Variants in ADRA1A observed in about 807,000 individuals in gnomAD.
ADRA1A encodes adrenoceptor alpha 1A.
ADRA1A carries 31 observed loss-of-function variants against 29.6 expected under a neutral mutation model. That is an observed-to-expected ratio of 1.05 (90% CI 0.79 to 1.41). The LOEUF is 1.41. ADRA1A is among the 40% of genes most tolerant of loss of function. The pLI is 0.00. For missense variants in ADRA1A, 619 were observed against 601.1 expected (o/e 1.03, Z -0.31); for synonymous variants, 311 against 254.3 (o/e 1.22, Z -2.12).
intron 2 of ADRA1A, among the ~76,000 whole-genome samples, chr8:26,852,864 C>T (rs533281765): frequency 4.6e-4 from 70 of 152,180 alleles, no homozygotes; most frequent in African/African-American, 1.5e-3. Flanking sequence ...AGTGCATTAA[C>T]GTAAAACAAT....
chr8:26,833,347 G>C (rs1811124230), intron 2 of ADRA1A, among the ~76,000 whole-genome samples: 1 of 152,144 alleles, frequency 6.6e-6, no homozygotes, highest in African/African-American at 2.4e-5. Flanking sequence ...ATTTTTGAAT[G>C]GGTTGGGAAT....
chr8:26,773,767 C>T (rs1325995228), intron 2 of ADRA1A, among the ~76,000 whole-genome samples: 3 of 152,126 alleles, frequency 2.0e-5, no homozygotes, highest in African/African-American at 4.8e-5. Flanking sequence ...TCCTTTTAGT[C>T]ACTTCCTTCC....
At chr8:26,786,224 T>G (rs1471903606) in intron 2 of ADRA1A, among the ~76,000 whole-genome samples, 1 of 133,926 alleles carries the variant, frequency 7.5e-6, no homozygotes, top group Non-Finnish European at 1.5e-5. Context: ...GACCTCTTTT[T>G]TATTTTTATT....
exon 3 of ADRA1A, chr8:26,748,320 A>C (rs1804778798): frequency 6.1e-6 from 1 of 164,038 alleles, no homozygotes; most frequent in Non-Finnish European, 1.3e-5. Context: ...GGTGGTTCTG[A>C]GTGGTTGGGG....
intron 2 of ADRA1A, among the ~76,000 whole-genome samples, chr8:26,856,428 A>AT (rs1162851415): frequency 6.6e-6 from 1 of 152,184 alleles, no homozygotes; most frequent in Non-Finnish European, 1.5e-5. Flanking sequence ...TCATCTTTGG[A>AT]TAAAAACACA....
rs554709909 is a variant in ADRA1A at position 26,806,655 on chromosome 8, G to A, written c.884-35989C>T. On this transcript the variant is annotated intron_variant, in intron 2 of 2. Coordinates refer to ENST00000380573, the MANE Select transcript of ADRA1A (RefSeq NM_000680.4). The surrounding 1 kb of genome is among the most constrained non-coding windows in gnomAD (Gnocchi z 4.6). ...AGCTTAGAATGGAACCTCTCTAATCGCCAGAGAGTCCGAGGTTTCTCCCTA... is the reference window on the plus strand; with the variant it reads ...AGCTTAGAATGGAACCTCTCTAATCACCAGAGAGTCCGAGGTTTCTCCCTA... Among the ~76,000 whole-genome samples, 49 of 152,206 alleles carry A rather than the reference G, an allele frequency of 3.2e-4. 1 individual carries two copies. The highest frequency in any genetic ancestry group is 1.1e-3 in the African/African-American group (47 of 41,546).
intron 2 of ADRA1A, among the ~76,000 whole-genome samples, chr8:26,829,842 G>T (rs919244946): frequency 6.6e-6 from 1 of 151,924 alleles, no homozygotes; most frequent in Non-Finnish European, 1.5e-5. Context: ...GCTGCCCCTG[G>T]TAAGTTTTTG....
At chr8:26,767,773 T>C (rs1458879051), downstream of ADRA1A, among the ~76,000 whole-genome samples, 3 of 152,234 alleles carry the variant, frequency 2.0e-5, no homozygotes, top group Non-Finnish European at 4.4e-5. Flanking sequence ...ATAATCATTC[T>C]TCCTGTTGGG....
intron 2 of ADRA1A, among the ~76,000 whole-genome samples, chr8:26,835,131 G>C (rs1237877017): frequency 6.6e-6 from 1 of 152,140 alleles, no homozygotes; most frequent in Non-Finnish European, 1.5e-5. Context: ...TTGGTGGCCT[G>C]ACCCTTATCA....
At chr8:26,834,069 G>A (rs1476139606) in intron 2 of ADRA1A, among the ~76,000 whole-genome samples, 2 of 152,264 alleles carry the variant, frequency 1.3e-5, no homozygotes, top group East Asian at 3.9e-4. Flanking sequence ...CTGGGTAAAG[G>A]TTAAATATAT....
rs553413992 is a variant in ADRA1A at position 26,848,635 on chromosome 8, T to C, written c.883+15452A>G. Among the ~76,000 whole-genome samples, 1 of 152,254 alleles carries C rather than the reference T, an allele frequency of 6.6e-6. No individual in the cohort carries two copies. The highest frequency in any genetic ancestry group is 6.5e-5 in the Admixed American group (1 of 15,304). ...GTCTATACCTGCCCAGGTATTCCAT[T>C]ATGGCAGCCTGAGCTGACAAGTCTA... is the stretch of plus-strand genomic sequence containing the variant. On this transcript the variant is annotated intron_variant, in intron 2 of 2. Coordinates refer to ENST00000380573, the MANE Select transcript of ADRA1A (RefSeq NM_000680.4). This position sits in a 1 kb window ranked among gnomAD's most constrained non-coding sequence, Gnocchi z 4.3.
At chr8:26,785,481 G>A (rs1019314752) in intron 2 of ADRA1A, among the ~76,000 whole-genome samples, 5 of 152,098 alleles carry the variant, frequency 3.3e-5, no homozygotes, top group Non-Finnish European at 5.9e-5. Flanking sequence ...TGAGCAAAAC[G>A]ACTAGGTTAA....
At chr8:26,803,514 CTAGAG>C in intron 2 of ADRA1A, among the ~76,000 whole-genome samples, 1 of 152,124 alleles carries the variant, frequency 6.6e-6, no homozygotes. Context: ...CTTTGTGATC[CTAGAG>C]TAGTGAAATA....
At chr8:26,818,135 G>T (rs1033693439) in intron 2 of ADRA1A, among the ~76,000 whole-genome samples, 68 of 152,268 alleles carry the variant, frequency 4.5e-4, no homozygotes, top group African/African-American at 1.5e-3. Context: ...CAACACTATA[G>T]AGAAAGAAAA....
At chr8:26,760,387 A>C (rs4732641) in intron 2 of ADRA1A, among the ~76,000 whole-genome samples, 61,139 of 151,984 alleles carry the variant, frequency 0.4, 12,438 homozygotes, top group Middle Eastern at 0.53. Flanking sequence ...GAAGGTCGAA[A>C]TTAAGAGAGC....
Position 26,769,620 on chromosome 8 carries a change from G to A in ADRA1A, c.*529C>T. 1 of 985,596 alleles carries A rather than the reference G, an allele frequency of 1.0e-6. No individual in the cohort carries two copies. Among genetic ancestry groups the A allele is most frequent in the Non-Finnish European group, 1.2e-6 (1 of 830,086 alleles). 61.1% of individuals were successfully genotyped at this position (985,596 alleles called of 1,614,324 possible). ...CTGAGAAATTGGATGTATCAGAAAG[G>A]GTGGAGTTTCAGGACTTGCTCTAAA... On this transcript the variant is annotated 3_prime_UTR_variant, in exon 3 of 3. Coordinates refer to ENST00000380573, the MANE Select transcript of ADRA1A (RefSeq NM_000680.4).
chr8:26,803,042 A>G (rs1808702932), intron 2 of ADRA1A, among the ~76,000 whole-genome samples: 1 of 152,154 alleles, frequency 6.6e-6, no homozygotes. Flanking sequence ...TGACTCATGG[A>G]GACAGAGAGT....
chr8:26,796,200 A>G lies in ADRA1A; in HGVS notation c.884-25534T>C, dbSNP rs1808183004. On this transcript the variant is annotated intron_variant, in intron 2 of 2. Coordinates refer to ENST00000380573, the MANE Select transcript of ADRA1A (RefSeq NM_000680.4). This position sits in a 1 kb window ranked among gnomAD's most constrained non-coding sequence, Gnocchi z 5.0. ...AATAAAACTGCCTATGAATTAGTTT[A>G]CAATTATTAAAATTGGGTTATAGGT... 6.6e-6 allele frequency among the ~76,000 whole-genome samples: 1 copy of G among 152,194 alleles called. No individual in the cohort carries two copies. Among genetic ancestry groups the G allele is most frequent in the African/African-American group, 2.4e-5 (1 of 41,460 alleles).
Position 26,848,312 on chromosome 8 carries a change from G to A in ADRA1A, c.883+15775C>T, listed in dbSNP as rs1311642640. ...TGTGTCCTCCCCAAATCCACATGTT[G>A]AAACCCTAACCACCAGTGTGATGGT... On this transcript the variant is annotated intron_variant, in intron 2 of 2. Transcript: ENST00000380573. The surrounding 1 kb of genome is among the most constrained non-coding windows in gnomAD (Gnocchi z 4.3). Among the ~76,000 whole-genome samples, 1 of 152,218 alleles carries A rather than the reference G, an allele frequency of 6.6e-6. No individual in the cohort carries two copies. Among genetic ancestry groups the A allele is most frequent in the African/African-American group, 2.4e-5 (1 of 41,452 alleles).
Sources: allele counts gnomAD v4.1 joint callset (sites outside exome capture counted in the v4.1 genomes callset), GRCh38; gene constraint gnomAD v4.1.1; non-coding constraint Gnocchi (gnomAD v3.1); transcripts MANE v1.5; gene names NCBI Gene and HGNC (gene_info 2026-07-23, HGNC 2026-07-21).